Variants in FSTL5 observed in about 807,000 individuals in gnomAD.
FSTL5 encodes the protein follistatin-related protein 5.
Under a neutral mutation model 89.1 loss-of-function variants are expected in FSTL5, and 62 were observed. That is an observed-to-expected ratio of 0.70 (90% CI 0.57 to 0.86). FSTL5 has a LOEUF of 0.86. Ranked by LOEUF, FSTL5 falls within the 40% of genes least tolerant of loss-of-function variation. The pLI is 0.00. For synonymous variants in FSTL5, 383 were observed against 346.2 expected, an observed-to-expected ratio of 1.11 and a Z score of -1.18; for missense variants, 1,057 against 1,001.6, an observed-to-expected ratio of 1.06 and a Z score of -0.75.
chr4:161,711,792 T>C (rs1738790011), intron 6 of FSTL5, among the ~76,000 whole-genome samples: 1 of 152,178 alleles, frequency 6.6e-6, no homozygotes. Flanking sequence ...AAAAGTGGGA[T>C]TCATCTCATG....
intron 15 of FSTL5, among the ~76,000 whole-genome samples, chr4:161,437,581 A>AAAAAAAAAAAAAAAAAAAAAAAC (rs1560894869): frequency 1.3e-5 from 2 of 149,362 alleles, no homozygotes; most frequent in African/African-American, 4.9e-5. Flanking sequence ...AAAAAAAAAA[A>AAAAAAAAAAAAAAAAAAAAAAAC]ACGAGGTCAG....
intron 8 of FSTL5, among the ~76,000 whole-genome samples, chr4:161,573,412 CAAAAAAAA>C (rs59381258): frequency 8.4e-6 from 1 of 119,694 alleles, no homozygotes; most frequent in Non-Finnish European, 1.7e-5. Context: ...AAAACCCTGT[CAAAAAAAA>C]AAAAAAAAAA....
intron 3 of FSTL5, among the ~76,000 whole-genome samples, chr4:162,012,307 AC>A (rs1736792310): frequency 6.6e-6 from 1 of 152,194 alleles, no homozygotes; most frequent in Non-Finnish European, 1.5e-5. Context: ...AAATTTTGAT[AC>A]TTTTTCAGCT....
chr4:161,676,047 C>G (rs1011667576), intron 6 of FSTL5, among the ~76,000 whole-genome samples: 2 of 152,070 alleles, frequency 1.3e-5, no homozygotes, highest in Non-Finnish European at 1.5e-5. Context: ...AATTCTGTCA[C>G]TTGCTAGCTA....
chr4:161,808,433 C>T (rs939084181), intron 4 of FSTL5, among the ~76,000 whole-genome samples: 1 of 151,992 alleles, frequency 6.6e-6, no homozygotes, highest in African/African-American at 2.4e-5. Flanking sequence ...AGGAAAATAA[C>T]CCGTGTCCAT....
At chr4:162,015,701 G>GT (rs1736897210) in intron 3 of FSTL5, among the ~76,000 whole-genome samples, 1 of 152,146 alleles carries the variant, frequency 6.6e-6, no homozygotes, top group South Asian at 2.1e-4. Flanking sequence ...GTCATAAACT[G>GT]TGAGGGCCAG....
At chr4:161,624,642 C>A in intron 7 of FSTL5, among the ~76,000 whole-genome samples, 1 of 151,538 alleles carries the variant, frequency 6.6e-6, no homozygotes. Flanking sequence ...CCTTAAAATA[C>A]TCCATTTCAA....
chr4:161,533,310 C>T (rs943221425), intron 10 of FSTL5, among the ~76,000 whole-genome samples: 6 of 150,134 alleles, frequency 4.0e-5, no homozygotes, highest in East Asian at 2.0e-4. Flanking sequence ...AGAATAAAAA[C>T]GTTGACCACT....
intron 4 of FSTL5, among the ~76,000 whole-genome samples, chr4:161,893,791 CT>C (rs2110763699): frequency 6.6e-6 from 1 of 152,286 alleles, no homozygotes; most frequent in South Asian, 2.1e-4. Flanking sequence ...AAAAATCACC[CT>C]TAAGAATTTT....
At chr4:161,417,176 CTTAT>C (rs1268713785) in intron 15 of FSTL5, among the ~76,000 whole-genome samples, 1 of 152,148 alleles carries the variant, frequency 6.6e-6, no homozygotes, top group African/African-American at 2.4e-5. Flanking sequence ...TTTTATGTTG[CTTAT>C]TTAACAAGCA....
intron 2 of FSTL5, among the ~76,000 whole-genome samples, chr4:162,090,739 A>G (rs542009455): frequency 6.6e-5 from 10 of 151,994 alleles, no homozygotes; most frequent in Admixed American, 5.2e-4. Context: ...GGATCCCTTG[A>G]ACCTGGGAGG....
intron 4 of FSTL5, among the ~76,000 whole-genome samples, chr4:161,903,298 T>C (rs1368086017): frequency 6.6e-6 from 1 of 152,168 alleles, no homozygotes; most frequent in Non-Finnish European, 1.5e-5. Flanking sequence ...ATAATTTTCA[T>C]TTCCTTCTGG....
intron 6 of FSTL5, among the ~76,000 whole-genome samples, chr4:161,662,429 A>G (rs1410535739): frequency 6.6e-6 from 1 of 152,202 alleles, no homozygotes; most frequent in South Asian, 2.1e-4. Flanking sequence ...TACCATAAAT[A>G]ATAGAACTAT....
chr4:161,468,405 G>C (rs1272300823), intron 13 of FSTL5, among the ~76,000 whole-genome samples: 1 of 152,004 alleles, frequency 6.6e-6, no homozygotes, highest in African/African-American at 2.4e-5. Context: ...TTTGATAGTA[G>C]GATATCTGAG....
intron 5 of FSTL5, among the ~76,000 whole-genome samples, chr4:161,762,359 T>G (rs1464744746): frequency 6.6e-6 from 1 of 152,144 alleles, no homozygotes. Flanking sequence ...CAGTCCACAG[T>G]AACCACTCGT....
At chr4:161,424,824 A>T (rs1324689035) in intron 15 of FSTL5, among the ~76,000 whole-genome samples, 3 of 152,258 alleles carry the variant, frequency 2.0e-5, no homozygotes, top group Non-Finnish European at 2.9e-5. Flanking sequence ...ATGGAAGTAG[A>T]TTGATCTAAA....
chr4:161,745,580 T>A (rs1740170892), intron 6 of FSTL5, among the ~76,000 whole-genome samples: 1 of 151,958 alleles, frequency 6.6e-6, no homozygotes, highest in Admixed American at 6.6e-5. Context: ...GTAAAATGTC[T>A]ACAAAGAGCA....
At chr4:161,846,055 A>C (rs1731358515) in intron 4 of FSTL5, among the ~76,000 whole-genome samples, 1 of 151,878 alleles carries the variant, frequency 6.6e-6, no homozygotes, top group Admixed American at 6.6e-5. Flanking sequence ...TCTCAAAAAA[A>C]AAAAAAAATT....
intron 4 of FSTL5, among the ~76,000 whole-genome samples, chr4:161,814,764 G>T (rs1730272237): frequency 6.6e-6 from 1 of 152,046 alleles, no homozygotes. Context: ...AAGATGTGTA[G>T]GTTTGAGCCA....
Sources: allele counts gnomAD v4.1 joint callset (sites outside exome capture counted in the v4.1 genomes callset), GRCh38; gene constraint gnomAD v4.1.1; transcripts MANE v1.5; gene names NCBI Gene and HGNC (gene_info 2026-07-23, HGNC 2026-07-21).